The following TET3 variants were observed in gnomAD, a reference collection of about 807,000 sequenced individuals.
TET3 encodes the protein tet methylcytosine dioxygenase 3, also known as methylcytosine dioxygenase TET3.
A neutral mutation model predicts 141.4 loss-of-function variants in TET3; 19 were observed. That is an observed-to-expected ratio of 0.13 (90% CI 0.09 to 0.20). The LOEUF is 0.20. Ranked by LOEUF, TET3 falls within the 10% of genes least tolerant of loss-of-function variation. The pLI is 1.00. For synonymous variants in TET3, 1,043 were observed against 980.9 expected, an observed-to-expected ratio of 1.06 and a Z score of -1.18; for missense variants, 1,874 against 2,356.9, an observed-to-expected ratio of 0.80 and a Z score of 4.24.
chr2:74,065,596 TTCCTTCCGTCCGTCCGTCCGTCCG>T (rs1224049584), intron 4 of TET3, among the ~76,000 whole-genome samples: 43 of 138,996 alleles, frequency 3.1e-4, no homozygotes, highest in Non-Finnish European at 5.4e-4. Flanking sequence ...TCGTCCGTCC[TTCCTTCCGTCCGTCCGTCCGTCCG>T]TCCTTCCTTC....
At position 74,104,915 on chromosome 2, in the gene TET3, G is replaced by T. The variant is rs563201368; in HGVS notation, c.*2739G>T. 2 of 354,586 alleles carry T rather than the reference G, an allele frequency of 5.6e-6. No homozygotes were observed. Among genetic ancestry groups the T allele is most frequent in the African/African-American group, 2.1e-5 (1 of 47,750 alleles). The allele number at this position is 354,586 out of a possible 1,614,324, so 22.0% of individuals were successfully genotyped here. A position where few individuals can be genotyped will look rare whatever the true frequency, so the allele number is the denominator to read the frequency against. On this transcript the variant is annotated 3_prime_UTR_variant, in exon 12 of 12. Coordinates refer to ENST00000409262, the MANE Select transcript of TET3 (RefSeq NM_001287491.2). ...CAGAATGGCGTTTCCAGAGTTAGGC[G>T]GTGTGGTTGCCGTGCTCAAGCCCAT...
intron 3 of TET3, among the ~76,000 whole-genome samples, chr2:74,028,273 C>G (rs1371378181): frequency 1.3e-5 from 2 of 151,366 alleles, no homozygotes; most frequent in African/African-American, 4.9e-5. Flanking sequence ...ATTTGAGTTA[C>G]CATGCCTAGC....
chr2:74,048,551 C>T, intron 4 of TET3, 140 bp downstream of exon 4: 1 of 968,718 alleles, frequency 1.0e-6, no homozygotes, highest in Non-Finnish European at 1.5e-6. Context: ...CAGAAATGAG[C>T]TCATAGCCTA....
At chr2:74,076,750 G>A (rs1689538028) in intron 5 of TET3, among the ~76,000 whole-genome samples, 1 of 152,072 alleles carries the variant, frequency 6.6e-6, no homozygotes, top group Non-Finnish European at 1.5e-5. Context: ...TTTGTGAATG[G>A]TAGGTCTAGG....
At chr2:74,004,203 C>CAGAGAGGGAAG (rs1685028643) in intron 3 of TET3, among the ~76,000 whole-genome samples, 1 of 152,156 alleles carries the variant, frequency 6.6e-6, no homozygotes, top group Non-Finnish European at 1.5e-5. Context: ...CCTGCCTCAG[C>CAGAGAGGGAAG]CCACCTGCCC....
intron 4 of TET3, among the ~76,000 whole-genome samples, chr2:74,051,490 G>GA (rs1457639647): frequency 6.6e-6 from 1 of 152,172 alleles, no homozygotes; most frequent in Non-Finnish European, 1.5e-5. Flanking sequence ...TGTGTTTTCT[G>GA]AATTTTCTAC....
intron 2 of TET3, among the ~76,000 whole-genome samples, chr2:73,995,248 C>G (rs1684535635): frequency 6.6e-6 from 1 of 152,264 alleles, no homozygotes; most frequent in Non-Finnish European, 1.5e-5. Context: ...GCGTGAGCCA[C>G]TGTGCCTGGC....
chr2:74,096,280 G>A (rs539231610), intron 10 of TET3, among the ~76,000 whole-genome samples: 9 of 152,308 alleles, frequency 5.9e-5, no homozygotes, highest in African/African-American at 9.6e-5. Context: ...AGAGGAAGTC[G>A]TAGACCCACA....
Position 73,986,393 on chromosome 2 carries a change from C to G in TET3, c.-11C>G, listed in dbSNP as rs1221559090. ...TGCCCCAGCACCTATGACCCCACCTCTGGCAGCATCATGAGCCAGTTTCAG... is the reference window on the plus strand; with the variant it reads ...TGCCCCAGCACCTATGACCCCACCTGTGGCAGCATCATGAGCCAGTTTCAG... On this transcript the variant is annotated 5_prime_UTR_variant, in exon 2 of 12. Transcript: ENST00000409262. The G allele has an allele frequency of 1.8e-5, 22 of 1,232,090 alleles. No individual in the cohort carries two copies. The highest frequency in any genetic ancestry group is 2.2e-5 in the Non-Finnish European group (22 of 988,098). 76.3% of individuals were successfully genotyped at this position (1,232,090 alleles called of 1,614,324 possible). A position where few individuals can be genotyped will look rare whatever the true frequency, so the allele number is the denominator to read the frequency against.
chr2:74,043,174 G>A lies in TET3; in HGVS notation c.361-3104G>A, dbSNP rs75209936. Among the ~76,000 whole-genome samples, 39 of 152,290 alleles carry A rather than the reference G, an allele frequency of 2.6e-4. 1 individual carries two copies. In the East Asian group the frequency reaches 6.9e-3, roughly 27 times the overall value. ...ATGCTCTTTCCGTCTTCCTACATAA[G>A]CATGTAAGATTTGACCACTTCAGAT... On this transcript the variant is annotated intron_variant, in intron 3 of 11. Coordinates refer to ENST00000409262, the MANE Select transcript of TET3 (RefSeq NM_001287491.2).
At chr2:74,001,080 G>A (rs1684827151) in intron 2 of TET3, among the ~76,000 whole-genome samples, 1 of 152,162 alleles carries the variant, frequency 6.6e-6, no homozygotes, top group Non-Finnish European at 1.5e-5. Context: ...TGTTCCACCT[G>A]AGCTGTGCTT....
chr2:74,046,231 T>C lies in TET3; in HGVS notation c.361-47T>C. The C allele has an allele frequency of 6.8e-7, 1 of 1,463,102 alleles. No individual in the cohort carries two copies. The highest frequency in any genetic ancestry group is 9.0e-7 in the Non-Finnish European group (1 of 1,105,734). 90.6% of individuals were successfully genotyped at this position (1,463,102 alleles called of 1,614,324 possible). ...ATGAAGCAGGGAAATGCTTTTCAAA[T>C]AGTGTGGTTCATTTTTTTCCTTTTT... is the stretch of plus-strand genomic sequence containing the variant. On this transcript the variant is annotated intron_variant, in intron 3 of 11. Coordinates refer to ENST00000409262, the MANE Select transcript of TET3 (RefSeq NM_001287491.2). The surrounding 1 kb of genome is among the most constrained non-coding windows in gnomAD (Gnocchi z 4.3).
At chr2:74,126,453 G>C in the TET3 span, among the ~76,000 whole-genome samples, 1 of 150,170 alleles carries the variant, frequency 6.7e-6, no homozygotes, top group Non-Finnish European at 1.5e-5. Flanking sequence ...TCTGTGTAGA[G>C]TTTTAAATCA....
At chr2:73,987,824 C>T (rs1051216328) in intron 2 of TET3, among the ~76,000 whole-genome samples, 1 of 152,182 alleles carries the variant, frequency 6.6e-6, no homozygotes, top group Non-Finnish European at 1.5e-5. Context: ...TCTGAGGACT[C>T]GGGTCCCTGT....
rs1691038784 is a variant in TET3, at chr2:74,099,492, C to T, written c.3484C>T (p.Arg1162Trp). The T allele has an allele frequency of 6.2e-7, 1 of 1,613,428 alleles. No individual in the cohort carries two copies. The highest frequency in any genetic ancestry group is 1.1e-5 in the South Asian group (1 of 91,034). ...LPEPAKSCRQ[R>W]QLEARKAAAE... is the part of the protein sequence containing the mutation. The stretch of plus-strand genomic sequence containing the variant: ...CGAGCCTGCCAAGTCCTGCCGCCAG[C>T]GGCAGCTGGAAGCCAGAAAGGCAGC... Residue 1162 changes from arginine (R) to tryptophan (W), a missense_variant, in exon 11 of 12, where the codon CGG (arginine) becomes TGG (tryptophan). Arg to Trp is a moderately radical substitution (Grantham distance 101). Coordinates refer to ENST00000409262, the MANE Select transcript of TET3 (RefSeq NM_001287491.2).
chr2:74,047,605 C>A lies in TET3; in HGVS notation c.1688C>A (p.Pro563Gln). The part of the protein sequence containing the change: ...EPSAPGWWPP[P>Q]SSPVPRLPDR... ...TCTGCTCCTGGCTGGTGGCCCCCAC[C>A]AAGTTCACCTGTCCCACGGCTTCCA... The change falls in exon 4 of 12, where the codon CCA becomes CAA. Residue 563 changes from proline (P) to glutamine (Q), a missense_variant. Physicochemically the swap from Pro to Gln is moderately conservative, Grantham distance 76 (BLOSUM62 -1). This residue lies in a region of TET3 where 484 missense variants were observed against 462.2 expected (regional missense o/e 1.05). Transcript: ENST00000409262. 6.2e-7 allele frequency: 1 copy of A among 1,613,858 alleles called. No homozygotes were observed. The highest frequency in any genetic ancestry group is 2.2e-5 in the East Asian group (1 of 44,882).
intron 2 of TET3, among the ~76,000 whole-genome samples, chr2:73,992,313 T>G (rs375413999): frequency 1.1e-4 from 16 of 151,488 alleles, no homozygotes; most frequent in East Asian, 5.8e-4. Flanking sequence ...TTCTTTTTTT[T>G]TTTTGTTTTG....
At chr2:74,082,400 G>C (rs901004620) in intron 6 of TET3, among the ~76,000 whole-genome samples, 3 of 152,132 alleles carry the variant, frequency 2.0e-5, no homozygotes, top group Non-Finnish European at 4.4e-5. Flanking sequence ...GTGGACGGAT[G>C]CCCAGAGCAG....
intron 10 of TET3, among the ~76,000 whole-genome samples, chr2:74,097,205 A>ACACACACG (rs1553435455): frequency 6.8e-6 from 1 of 147,114 alleles, no homozygotes; most frequent in East Asian, 1.9e-4. Context: ...GCACACACAC[A>ACACACACG]CACACACACA....
Sources: allele counts gnomAD v4.1 joint callset (sites outside exome capture counted in the v4.1 genomes callset), GRCh38; gene constraint gnomAD v4.1.1; regional missense constraint gnomAD v4.1.1; non-coding constraint Gnocchi (gnomAD v3.1); transcripts MANE v1.5; gene names NCBI Gene and HGNC (gene_info 2026-07-23, HGNC 2026-07-21).